CFAP69: variants seen among roughly 807,000 people sequenced by gnomAD.
CFAP69 encodes cilia- and flagella-associated protein 69.
In CFAP69, 92 loss-of-function variants were observed where a neutral mutation model predicts 123.0. The observed-to-expected ratio is 0.75, with a 90% CI of 0.63 to 0.89. The LOEUF (loss-of-function observed/expected upper bound fraction) is 0.89, where lower values mean the gene tolerates loss of function less well. CFAP69 is among the 40% of genes least tolerant of loss of function. The pLI is 0.00. For missense variants in CFAP69, 1,067 were observed against 1,096.9 expected, an observed-to-expected ratio of 0.97 and a Z score of 0.39; for synonymous variants, 380 against 364.3, an observed-to-expected ratio of 1.04 and a Z score of -0.49.
In CFAP69 at chr7:90,271,840, A is replaced by G; in HGVS notation, c.742A>G (p.Asn248Asp). The G allele has an allele frequency of 6.2e-7, 1 of 1,602,552 alleles. No individual in the cohort carries two copies. Among genetic ancestry groups the G allele is most frequent in the Non-Finnish European group, 8.5e-7 (1 of 1,173,060 alleles). Residue 248 changes from asparagine to aspartate, a missense_variant, in exon 8 of 23, where the codon AAT becomes GAT. Coordinates refer to ENST00000389297, the MANE Select transcript of CFAP69 (RefSeq NM_001039706.3). The part of the protein sequence containing the change: ...QAASGICTHL[N>D]DPDPSGQLLF... ...AGCCAGTGGAATCTGTACTCACCTCAATGACCCAGATCCCTCTGGACAGCT... is the reference window on the plus strand; with the variant it reads ...AGCCAGTGGAATCTGTACTCACCTCGATGACCCAGATCCCTCTGGACAGCT...
At chr7:90,259,813 G>A (rs577790085) in intron 3 of CFAP69, among the ~76,000 whole-genome samples, 2 of 151,954 alleles carry the variant, frequency 1.3e-5, no homozygotes, top group Non-Finnish European at 2.9e-5. Context: ...ACATATATAT[G>A]CTATTGTAAA....
intron 17 of CFAP69, chr7:90,301,937 C>T (rs1792871998): frequency 6.6e-6 from 1 of 152,166 alleles, no homozygotes; most frequent in Non-Finnish European, 1.5e-5. Flanking sequence ...ATTTACACTC[C>T]CAGCAACAGT....
intron 11 of CFAP69, among the ~76,000 whole-genome samples, chr7:90,278,138 A>G (rs932477655): frequency 6.6e-6 from 1 of 152,200 alleles, no homozygotes; most frequent in Non-Finnish European, 1.5e-5. Flanking sequence ...AATTCAGTCT[A>G]TCAACTTCAC....
rs542429356 is a variant in CFAP69, at chr7:90,273,934, C to T, written c.861-53C>T. 42 of 1,369,136 alleles carry T rather than the reference C, an allele frequency of 3.1e-5. 2 individuals are homozygous for T. In the South Asian group the frequency reaches 5.7e-4, roughly 19 times the overall value. The allele number at this position is 1,369,136 out of a possible 1,614,324, so 84.8% of individuals were successfully genotyped here. ...TAAATATATGAATTTTGGAGGGACG[C>T]AAACATTTAGTGTATAACAATATAG... On this transcript the variant is annotated intron_variant, in intron 8 of 22. Transcript: ENST00000389297.
chr7:90,292,710 G>A (rs577233396), intron 15 of CFAP69, among the ~76,000 whole-genome samples: 178 of 152,100 alleles, frequency 1.2e-3, no homozygotes, highest in Non-Finnish European at 1.7e-3. Context: ...GACTCTGGGC[G>A]GAAAAAAGGA....
chr7:90,277,768 A>G (rs1460088046), intron 11 of CFAP69, among the ~76,000 whole-genome samples: 3 of 152,142 alleles, frequency 2.0e-5, no homozygotes, highest in Admixed American at 1.3e-4. Flanking sequence ...AATGTCTTTA[A>G]TCACTTTTAC....
downstream of CFAP69, chr7:90,312,849 G>A (rs987656565): frequency 1.4e-4 from 21 of 152,158 alleles, no homozygotes; most frequent in Non-Finnish European, 1.2e-4. Flanking sequence ...CTAACCAACT[G>A]AATGAAAAGG....
intron 15 of CFAP69, among the ~76,000 whole-genome samples, chr7:90,290,683 T>C (rs943716593): frequency 3.9e-5 from 6 of 152,234 alleles, no homozygotes; most frequent in African/African-American, 1.4e-4. Flanking sequence ...CTACTTTCTA[T>C]GCACTATGAT....
chr7:90,296,410 C>T (rs1562911030), intron 15 of CFAP69, among the ~76,000 whole-genome samples: 1 of 152,036 alleles, frequency 6.6e-6, no homozygotes, highest in Non-Finnish European at 1.5e-5. Flanking sequence ...TCACTGCAAC[C>T]TCCTCCTCCT....
chr7:90,278,529 C>T (rs1788943210), intron 11 of CFAP69, among the ~76,000 whole-genome samples: 1 of 151,742 alleles, frequency 6.6e-6, no homozygotes, highest in South Asian at 2.1e-4. Flanking sequence ...TTTATTATTC[C>T]AATACAGTAT....
At chr7:90,257,364 G>T (rs1469618938) in intron 2 of CFAP69, among the ~76,000 whole-genome samples, 3 of 152,112 alleles carry the variant, frequency 2.0e-5, no homozygotes, top group Non-Finnish European at 2.9e-5. Context: ...TTTGTTACAT[G>T]CATAAAATGT....
At chr7:90,300,517 TG>T (rs2117341799) in intron 17 of CFAP69, 1 of 692,728 alleles carries the variant, frequency 1.4e-6, no homozygotes, top group South Asian at 6.7e-5. Flanking sequence ...AAGAAGATAT[TG>T]TTTCCTAAAT....
chr7:90,302,209 T>C (rs1584532713), intron 17 of CFAP69: 1 of 152,176 alleles, frequency 6.6e-6, no homozygotes, highest in African/African-American at 2.4e-5. Flanking sequence ...TCATTATAGA[T>C]GCTGGATATT....
At chr7:90,306,004 A>G (rs1370372175) in intron 19 of CFAP69, among the ~76,000 whole-genome samples, 1 of 139,638 alleles carries the variant, frequency 7.2e-6, no homozygotes, top group Non-Finnish European at 1.5e-5. Flanking sequence ...GTGCAGTTGC[A>G]TGATCACAGC....
intron 1 of CFAP69, chr7:90,252,145 T>TGTGTGC (rs1426837412): frequency 5.0e-5 from 7 of 140,278 alleles, no homozygotes; most frequent in South Asian, 2.4e-4. Flanking sequence ...TGTGTGTGTG[T>TGTGTGC]GCATGCGCGT....
chr7:90,293,373 G>A (rs979163907), intron 15 of CFAP69, among the ~76,000 whole-genome samples: 4 of 152,142 alleles, frequency 2.6e-5, no homozygotes, highest in Non-Finnish European at 5.9e-5. Flanking sequence ...TTAAAGAGCA[G>A]ATCATAAACA....
At position 90,245,355 on chromosome 7, in the gene CFAP69, G is replaced by C. The variant is rs1321231996; in HGVS notation, c.-70G>C. The C allele has an allele frequency of 7.0e-7, 1 of 1,436,504 alleles. No homozygotes were observed. The highest frequency in any genetic ancestry group is 2.9e-5 in the Admixed American group (1 of 34,566). 89.0% of individuals were successfully genotyped at this position (1,436,504 alleles called of 1,614,324 possible). A position where few individuals can be genotyped will look rare whatever the true frequency, so the allele number is the denominator to read the frequency against. The stretch of plus-strand genomic sequence containing the variant: ...CCCTTCTCGGTGGCGGGGCCTCTTT[G>C]GGCCCAGCGGCTGCGGGCGCACTGT... On this transcript the variant is annotated 5_prime_UTR_variant, in exon 1 of 23. Coordinates refer to ENST00000389297, the MANE Select transcript of CFAP69 (RefSeq NM_001039706.3).
chr7:90,254,230 G>T (rs1797373579), intron 1 of CFAP69, among the ~76,000 whole-genome samples: 1 of 152,094 alleles, frequency 6.6e-6, no homozygotes, highest in Admixed American at 6.6e-5. Flanking sequence ...TGCTGTGTTG[G>T]TTACTATAGT....
At chr7:90,313,171 T>C (rs1252693183), downstream of CFAP69, among the ~76,000 whole-genome samples, 2 of 152,244 alleles carry the variant, frequency 1.3e-5, no homozygotes, top group African/African-American at 4.8e-5. Flanking sequence ...GTTTCTAGAA[T>C]GTATGAATCT....
Sources: allele counts gnomAD v4.1 joint callset (sites outside exome capture counted in the v4.1 genomes callset), GRCh38; gene constraint gnomAD v4.1.1; transcripts MANE v1.5; gene names NCBI Gene and HGNC (gene_info 2026-07-23, HGNC 2026-07-21).